MAPK10: variants seen among roughly 807,000 people sequenced by gnomAD.
The protein encoded by MAPK10 is mitogen-activated protein kinase 10, also known as JNK3 alpha protein kinase.
Under a neutral mutation model 59.3 loss-of-function variants are expected in MAPK10, and 25 were observed. The observed-to-expected ratio is 0.42, with a 90% CI of 0.31 to 0.59. The LOEUF (loss-of-function observed/expected upper bound fraction) is 0.59, where lower values mean the gene tolerates loss of function less well. Ranked by LOEUF, MAPK10 falls within the 20% of genes least tolerant of loss-of-function variation. The probability of loss-of-function intolerance (pLI) is 0.15; values close to 1 mark genes in which losing one functional copy is unlikely to be tolerated. For synonymous variants in MAPK10, 190 were observed against 200.5 expected, an observed-to-expected ratio of 0.95 and a Z score of 0.44; for missense variants, 351 against 568.9, an observed-to-expected ratio of 0.62 and a Z score of 3.90.
chr4:86,149,268 A>G (rs191077931), intron 4 of MAPK10, among the ~76,000 whole-genome samples: 14 of 151,880 alleles, frequency 9.2e-5, no homozygotes, highest in Non-Finnish European at 1.9e-4. Flanking sequence ...TTATTTGTTT[A>G]TTTATTTATT....
chr4:86,103,370 A>C, intron 5 of MAPK10, 126 bp from the exon 6 acceptor site: 1 of 606,850 alleles, frequency 1.6e-6, no homozygotes, highest in East Asian at 3.0e-5. Context: ...AGAAGTTGGA[A>C]AAATGTCTTG....
chr4:86,563,719 G>A (rs898399808), intron 1 of MAPK10, among the ~76,000 whole-genome samples: 6 of 152,132 alleles, frequency 3.9e-5, no homozygotes, highest in East Asian at 3.9e-4. Flanking sequence ...CTAATGGGAG[G>A]GTAATATATA....
chr4:86,135,157 A>G (rs1337113707), intron 4 of MAPK10, among the ~76,000 whole-genome samples: 2 of 152,190 alleles, frequency 1.3e-5, no homozygotes, highest in African/African-American at 2.4e-5. Flanking sequence ...AAAGCACCCT[A>G]GAAGCTCCAA....
intron 11 of MAPK10, among the ~76,000 whole-genome samples, chr4:86,037,237 G>A (rs539501950): frequency 7.9e-5 from 12 of 152,224 alleles, no homozygotes; most frequent in East Asian, 1.9e-4. Context: ...TTGAGCTTTC[G>A]AAGGTAAAAG....
chr4:86,049,660 T>G (rs2043152150), intron 11 of MAPK10, among the ~76,000 whole-genome samples: 1 of 152,114 alleles, frequency 6.6e-6, no homozygotes, highest in Non-Finnish European at 1.5e-5. Context: ...CTTTCACATT[T>G]TTTTCCTTTA....
At chr4:86,442,896 G>A (rs1311883457) in intron 1 of MAPK10, among the ~76,000 whole-genome samples, 1 of 152,144 alleles carries the variant, frequency 6.6e-6, no homozygotes, top group African/African-American at 2.4e-5. Flanking sequence ...CATGTAAGGA[G>A]CTTAGAAGTC....
intron 2 of MAPK10, among the ~76,000 whole-genome samples, chr4:86,325,162 T>A (rs1027362666): frequency 6.6e-6 from 1 of 152,096 alleles, no homozygotes; most frequent in Admixed American, 6.6e-5. Flanking sequence ...ATAAAAAAAA[T>A]AAAGCACGCC....
At chr4:86,321,572 CTG>C (rs1384467948) in intron 2 of MAPK10, among the ~76,000 whole-genome samples, 4 of 117,678 alleles carry the variant, frequency 3.4e-5, no homozygotes, top group Non-Finnish European at 6.4e-5. Flanking sequence ...ACATCACACT[CTG>C]GGGACTGTTG....
intron 1 of MAPK10, among the ~76,000 whole-genome samples, chr4:86,568,642 A>C (rs1051654821): frequency 6.6e-6 from 1 of 152,188 alleles, no homozygotes; most frequent in Non-Finnish European, 1.5e-5. Context: ...ATAAAGTCAC[A>C]CACCTACAAC....
intron 2 of MAPK10, among the ~76,000 whole-genome samples, chr4:86,228,001 C>T (rs2090942867): frequency 6.6e-6 from 1 of 152,092 alleles, no homozygotes; most frequent in Admixed American, 6.6e-5. Context: ...CAGGGTAGGT[C>T]AGGAGGTGAG....
rs1023589038 is a variant in MAPK10, at chr4:86,365,396, C to T, written c.-121-10752G>A. Among the ~76,000 whole-genome samples, 13 of 124,572 alleles carry T rather than the reference C, an allele frequency of 1.0e-4. 1 individual carries two copies. The highest frequency in any genetic ancestry group is 9.5e-4 in the Admixed American group (9 of 9,504). 81.7% of individuals were successfully genotyped at this position (124,572 alleles called of 152,430 possible). ...GCAGTGAACCGAGACTGCACCATTG[C>T]GCTCCAGCCTGGGCAACAGGGTGAG... is the stretch of plus-strand genomic sequence containing the variant. On this transcript the variant is annotated intron_variant, in intron 1 of 13. Transcript: ENST00000361569.
At chr4:86,550,940 A>C (rs1219227435) in intron 1 of MAPK10, among the ~76,000 whole-genome samples, 1 of 152,214 alleles carries the variant, frequency 6.6e-6, no homozygotes, top group African/African-American at 2.4e-5. Context: ...TAATAAATGC[A>C]TTCTTCTGAA....
chr4:86,560,887 G>C (rs554630208), intron 1 of MAPK10, among the ~76,000 whole-genome samples: 1 of 152,210 alleles, frequency 6.6e-6, no homozygotes, highest in African/African-American at 2.4e-5. Context: ...GGAATGAAGC[G>C]TGTTTGCCAC....
intron 2 of MAPK10, among the ~76,000 whole-genome samples, chr4:86,250,873 C>T (rs534378212): frequency 6.6e-6 from 1 of 152,244 alleles, no homozygotes; most frequent in South Asian, 2.1e-4. Context: ...TAGGAGAAAA[C>T]TATTATTTTT....
At chr4:86,260,813 A>G (rs1414213133) in intron 2 of MAPK10, among the ~76,000 whole-genome samples, 1 of 152,180 alleles carries the variant, frequency 6.6e-6, no homozygotes, top group African/African-American at 2.4e-5. Flanking sequence ...TATGAATTAT[A>G]GTTACATTCT....
chr4:86,143,539 T>C (rs1413232269), intron 4 of MAPK10, among the ~76,000 whole-genome samples: 1 of 152,210 alleles, frequency 6.6e-6, no homozygotes, highest in Non-Finnish European at 1.5e-5. Context: ...GTCACTGTAC[T>C]ATGTGTCTCT....
intron 1 of MAPK10, among the ~76,000 whole-genome samples, chr4:86,485,293 A>C (rs896145937): frequency 3.3e-5 from 5 of 152,252 alleles, no homozygotes; most frequent in Admixed American, 6.5e-5. Context: ...TATTCTTGGG[A>C]GCACAATTGT....
intron 3 of MAPK10, among the ~76,000 whole-genome samples, chr4:86,178,246 G>C (rs1300200428): frequency 6.6e-6 from 1 of 151,888 alleles, no homozygotes; most frequent in Non-Finnish European, 1.5e-5. Context: ...TAGTTTAAGT[G>C]GTATTATAAA....
chr4:86,478,276 C>T (rs1753287420), intron 1 of MAPK10, among the ~76,000 whole-genome samples: 2 of 152,192 alleles, frequency 1.3e-5, no homozygotes, highest in African/African-American at 4.8e-5. Context: ...AGACTGCCCC[C>T]ACCCTAGCTT....
Sources: gnomAD v4.1 joint callset for allele counts (sites outside exome capture counted in the v4.1 genomes callset) on GRCh38, gnomAD v4.1.1 for gene constraint, MANE v1.5 for transcripts, NCBI Gene and HGNC (gene_info 2026-07-23, HGNC 2026-07-21) for gene names.